The following NCALD variants were observed in gnomAD, a reference collection of about 807,000 sequenced individuals.
NCALD encodes the protein neurocalcin delta, also known as neurocalcin-delta.
In NCALD, 10 loss-of-function variants were observed where a neutral mutation model predicts 18.6. The ratio of observed to expected loss-of-function variants is 0.54; its 90% confidence interval spans 0.33 to 0.91. NCALD has a LOEUF of 0.91. Among genes scored for constraint, NCALD ranks in the 40% least tolerant of loss-of-function variants. NCALD has a pLI of 0.03. For synonymous variants in NCALD, 88 were observed against 87.4 expected (o/e 1.01, Z -0.04); for missense variants, 184 against 247.6 (o/e 0.74, Z 1.72).
intron 4 of NCALD, among the ~76,000 whole-genome samples, chr8:101,810,717 AG>A (rs1813274663): frequency 6.6e-6 from 1 of 152,128 alleles, no homozygotes; most frequent in Admixed American, 6.6e-5. Context: ...CTTCTAAAAA[AG>A]CTTTCCCTAA....
At chr8:101,847,723 A>C (rs1272409224) in intron 4 of NCALD, among the ~76,000 whole-genome samples, 1 of 152,204 alleles carries the variant, frequency 6.6e-6, no homozygotes, top group Admixed American at 6.5e-5. Flanking sequence ...CTTTGAAGAC[A>C]GGAAAGAGAC....
intron 2 of NCALD, among the ~76,000 whole-genome samples, chr8:101,695,088 T>A (rs1814929004): frequency 6.6e-6 from 1 of 152,192 alleles, no homozygotes. Flanking sequence ...CAAGCTCATA[T>A]GATCTAAATA....
chr8:101,704,255 A>T (rs531474201), intron 2 of NCALD, among the ~76,000 whole-genome samples: 1 of 152,232 alleles, frequency 6.6e-6, no homozygotes, highest in Non-Finnish European at 1.5e-5. Flanking sequence ...TAAAGTAATT[A>T]TATCTTTTAG....
chr8:101,894,873 A>C (rs1817089816), intron 3 of NCALD, among the ~76,000 whole-genome samples: 1 of 150,482 alleles, frequency 6.6e-6, no homozygotes. Context: ...AATAATCAAT[A>C]GTTTACCAAC....
chr8:102,080,720 G>A (rs1243848771), intron 1 of NCALD, among the ~76,000 whole-genome samples: 1 of 152,190 alleles, frequency 6.6e-6, no homozygotes, highest in East Asian at 1.9e-4. Flanking sequence ...GAGGGCTTGG[G>A]GCTCCCATAA....
rs1385680579 is a variant in NCALD, at chr8:101,833,621, T to TG, written c.-20+53519_-20+53520insC. Among the ~76,000 whole-genome samples the TG allele has an allele frequency of 5.4e-5, 8 of 148,410 alleles. No individual in the cohort carries two copies. In the South Asian group the frequency reaches 1.7e-3, roughly 31 times the overall value. On this transcript the variant is annotated intron_variant, in intron 4 of 6. Coordinates refer to the NCALD transcript ENST00000311028. Reference sequence around the variant, plus strand: ...GTTTTTTGTTTCTTGTTTTTTTTTTTTTTTTTTTTTTTGGTAACAATTTTG... The same window carrying TG: ...GTTTTTTGTTTCTTGTTTTTTTTTTTGTTTTTTTTTTTTGGTAACAATTTTG...
Position 101,829,940 on chromosome 8 carries a change from T to C in NCALD, c.-20+57201A>G, listed in dbSNP as rs531627423. Among the ~76,000 whole-genome samples, 96 of 150,612 alleles carry C rather than the reference T, an allele frequency of 6.4e-4. 1 individual carries two copies. The highest frequency in any genetic ancestry group is 2.3e-3 in the African/African-American group (93 of 41,044). On this transcript the variant is annotated intron_variant, in intron 4 of 6. Coordinates refer to the NCALD transcript ENST00000311028. ...TAAGTGTTATTTCCACCATTTTTAA[T>C]AGCATCAGGAAGAACATTTACCCAG...
chr8:101,959,753 T>C (rs1212550666), intron 2 of NCALD, among the ~76,000 whole-genome samples: 4 of 152,186 alleles, frequency 2.6e-5, no homozygotes, highest in African/African-American at 9.6e-5. Flanking sequence ...AAATCTGTAA[T>C]TTCTCTAAAG....
chr8:102,033,142 A>T (rs1822739569), intron 1 of NCALD, among the ~76,000 whole-genome samples: 1 of 152,116 alleles, frequency 6.6e-6, no homozygotes, highest in Non-Finnish European at 1.5e-5. Context: ...CCCTCAAGAC[A>T]TCACTTCTGA....
rs1270658580 is a variant in NCALD, at chr8:102,090,763, T to C, written c.-210+33474A>G. On this transcript the variant is annotated intron_variant, in intron 1 of 6. Coordinates refer to the NCALD transcript ENST00000311028. ...TTCTCCAGAATTTGGAAACTAGTTG[T>C]GAGTATTCTTAATTATGGCAATACA... is the stretch of plus-strand genomic sequence containing the variant. Among the ~76,000 whole-genome samples the C allele has an allele frequency of 3.3e-5, 5 of 152,224 alleles. No homozygotes were observed. In the South Asian group the frequency reaches 6.2e-4, roughly 19 times the overall value.
chr8:101,855,066 G>C (rs1459364278), intron 4 of NCALD, among the ~76,000 whole-genome samples: 2 of 152,144 alleles, frequency 1.3e-5, no homozygotes, highest in Non-Finnish European at 2.9e-5. Flanking sequence ...AAGAGGAGCG[G>C]AGGGAGGAAG....
intron 2 of NCALD, among the ~76,000 whole-genome samples, chr8:101,985,179 G>T (rs1208276099): frequency 6.6e-6 from 1 of 152,182 alleles, no homozygotes. Context: ...AGGGGTGCAC[G>T]TGGACAGAAG....
chr8:101,788,650 A>G (rs2131005444), intron 1 of NCALD: 1 of 152,332 alleles, frequency 6.6e-6, no homozygotes, highest in South Asian at 2.1e-4. Flanking sequence ...GCATGTAAAA[A>G]CATAATTCTG....
At chr8:102,000,252 T>C (rs1324345883) in intron 2 of NCALD, among the ~76,000 whole-genome samples, 2 of 152,066 alleles carry the variant, frequency 1.3e-5, no homozygotes, top group African/African-American at 4.8e-5. Flanking sequence ...CAGAGGGTCC[T>C]ACACCCACGG....
rs200605919 is a variant in NCALD, at chr8:102,057,959, A to G, written c.-209-37670T>C. On this transcript the variant is annotated intron_variant, in intron 1 of 6. Transcript: ENST00000311028. ...GTAGGTTACAGTCAATTTAAAGTCCACTATTGCTCAGAGAAAGTATTCAAT... is the reference window on the plus strand; with the variant it reads ...GTAGGTTACAGTCAATTTAAAGTCCGCTATTGCTCAGAGAAAGTATTCAAT... Among the ~76,000 whole-genome samples the G allele has an allele frequency of 2.8e-4, 42 of 152,356 alleles. No homozygotes were observed. The East Asian group carries it at 6.9e-3, about 25-fold the overall frequency.
intron 4 of NCALD, among the ~76,000 whole-genome samples, chr8:101,845,608 G>C (rs768374299): frequency 6.6e-6 from 1 of 152,184 alleles, no homozygotes; most frequent in South Asian, 2.1e-4. Flanking sequence ...GGCATACAAC[G>C]TGTCATGGTA....
chr8:102,062,472 A>T (rs955647594), intron 1 of NCALD, among the ~76,000 whole-genome samples: 2 of 152,220 alleles, frequency 1.3e-5, no homozygotes, highest in Non-Finnish European at 2.9e-5. Context: ...TAGCCTCAGC[A>T]CCCACCACAA....
chr8:101,920,938 C>T (rs185881260), intron 2 of NCALD, among the ~76,000 whole-genome samples: 26 of 152,160 alleles, frequency 1.7e-4, no homozygotes, highest in African/African-American at 5.8e-4. Context: ...TAGGAAATTA[C>T]GATAAAATGA....
chr8:101,709,387 A>C (rs552252279), intron 2 of NCALD, among the ~76,000 whole-genome samples: 5 of 152,324 alleles, frequency 3.3e-5, no homozygotes, highest in African/African-American at 1.2e-4. Context: ...CTTCAGGTAC[A>C]GATGGTCTAA....
Sources: gnomAD v4.1 joint callset for allele counts (sites outside exome capture counted in the v4.1 genomes callset) on GRCh38, gnomAD v4.1.1 for gene constraint, MANE v1.5 for transcripts, NCBI Gene and HGNC (gene_info 2026-07-23, HGNC 2026-07-21) for gene names.